Variants in PRUNE2 observed in about 807,000 individuals in gnomAD.
PRUNE2 encodes the protein prune homolog 2 with BCH domain.
Under a neutral mutation model 252.0 loss-of-function variants are expected in PRUNE2, and 164 were observed. The observed-to-expected ratio is 0.65, with a 90% confidence interval of 0.57 to 0.74. PRUNE2 has a LOEUF of 0.74. PRUNE2 is among the 30% of genes least tolerant of loss of function. PRUNE2 has a pLI of 0.00. For missense variants in PRUNE2, 3,495 were observed against 3,711.0 expected, an observed-to-expected ratio of 0.94 and a Z score of 1.51; for synonymous variants, 1,292 against 1,350.2, an observed-to-expected ratio of 0.96 and a Z score of 0.94.
At chr9:76,670,367 G>A (rs962535451) in intron 9 of PRUNE2, among the ~76,000 whole-genome samples, 32 of 152,196 alleles carry the variant, frequency 2.1e-4, no homozygotes, top group Non-Finnish European at 3.4e-4. Flanking sequence ...GGCACACCAC[G>A]AGATTATATC....
At chr9:76,655,358 A>C (rs1446946607) in intron 10 of PRUNE2, 65 bp downstream of exon 10, 1 of 1,137,916 alleles carries the variant, frequency 8.8e-7, no homozygotes, top group African/African-American at 1.5e-5. Flanking sequence ...TAATTCTTTC[A>C]CTGAATAATG....
Position 76,704,746 on chromosome 9 carries a change from T to G in PRUNE2, c.7513+15A>C. On this transcript the variant is annotated intron_variant, in intron 8 of 18. Transcript: ENST00000376718. The stretch of plus-strand genomic sequence containing the variant: ...CAGCAGTTTCTTGGAAGTGGAAGAA[T>G]GGAATGTTTCTTACCATTTGGTGGT... The G allele has an allele frequency of 6.7e-7, 1 of 1,485,210 alleles. No individual in the cohort carries two copies. The highest frequency in any genetic ancestry group is 1.4e-5 in the African/African-American group (1 of 71,284). 92.0% of individuals were successfully genotyped at this position (1,485,210 alleles called of 1,614,324 possible). A position where few individuals can be genotyped will look rare whatever the true frequency, so the allele number is the denominator to read the frequency against.
chr9:76,807,020 A>ACGTGTGTGTG, intron 6 of PRUNE2, among the ~76,000 whole-genome samples: 1 of 140,500 alleles, frequency 7.1e-6, no homozygotes, highest in African/African-American at 2.7e-5. Context: ...ACCTCATACA[A>ACGTGTGTGTG]TGTGTGTGTG....
intron 1 of PRUNE2, among the ~76,000 whole-genome samples, chr9:76,894,042 C>G (rs2062655646): frequency 6.6e-6 from 1 of 152,158 alleles, no homozygotes; most frequent in East Asian, 1.9e-4. Context: ...TTTTCTGTGA[C>G]CTATATACAT....
intron 9 of PRUNE2, among the ~76,000 whole-genome samples, chr9:76,678,604 C>T (rs1428760615): frequency 2.0e-5 from 3 of 152,010 alleles, no homozygotes; most frequent in African/African-American, 4.8e-5. Flanking sequence ...CCGAGATGGG[C>T]GGATGACGAG....
Position 76,846,949 on chromosome 9 carries a change from A to G in PRUNE2, c.345-271T>C, listed in dbSNP as rs146201127. ...TTGGAAAATAATAGTAACTAACACTATTGGGCTTCCACCACAGGCCGGATA... is the reference window on the plus strand; with the variant it reads ...TTGGAAAATAATAGTAACTAACACTGTTGGGCTTCCACCACAGGCCGGATA... On this transcript the variant is annotated intron_variant, in intron 3 of 18. Transcript: ENST00000376718. 1.9e-3 allele frequency among the ~76,000 whole-genome samples: 285 copies of G among 152,338 alleles called. 1 individual carries two copies. Among genetic ancestry groups the G allele is most frequent in the African/African-American group, 5.9e-3 (247 of 41,576 alleles).
intron 4 of PRUNE2, among the ~76,000 whole-genome samples, chr9:76,839,246 G>A (rs891729438): frequency 6.6e-6 from 1 of 152,028 alleles, no homozygotes; most frequent in Admixed American, 6.6e-5. Context: ...GTTTATCGAG[G>A]GCCTACTCTG....
intron 6 of PRUNE2, among the ~76,000 whole-genome samples, chr9:76,782,031 G>A (rs528038763): frequency 7.9e-5 from 12 of 152,184 alleles, no homozygotes; most frequent in African/African-American, 2.4e-4. Context: ...TGGCTAACAC[G>A]GTGAAACCCC....
At chr9:76,670,972 T>G (rs1011964236) in intron 9 of PRUNE2, among the ~76,000 whole-genome samples, 127 of 152,098 alleles carry the variant, frequency 8.3e-4, no homozygotes, top group Non-Finnish European at 1.5e-3. Flanking sequence ...ACAGAAAAAC[T>G]GGAAACTCTA....
chr9:76,653,510 C>T (rs533769967), intron 10 of PRUNE2, among the ~76,000 whole-genome samples: 6 of 152,020 alleles, frequency 3.9e-5, no homozygotes, highest in South Asian at 2.1e-4. Context: ...AGTACAGATG[C>T]GATTTTTTTT....
intron 4 of PRUNE2, among the ~76,000 whole-genome samples, chr9:76,837,599 T>G (rs2059100235): frequency 6.6e-6 from 1 of 151,366 alleles, no homozygotes; most frequent in Non-Finnish European, 1.5e-5. Context: ...TTCTATGGCA[T>G]TATCAGGTGT....
chr9:76,873,500 A>C (rs1465232892), intron 1 of PRUNE2, among the ~76,000 whole-genome samples: 6 of 152,172 alleles, frequency 3.9e-5, no homozygotes, highest in Non-Finnish European at 7.3e-5. Context: ...TCACATCTGT[A>C]ATCCCTTTTC....
intron 9 of PRUNE2, among the ~76,000 whole-genome samples, chr9:76,660,511 C>T (rs1050744375): frequency 4.6e-5 from 7 of 152,168 alleles, no homozygotes; most frequent in Admixed American, 2.6e-4. Context: ...GGGCCAGGCA[C>T]GGTGGCTCAC....
At chr9:76,738,796 G>C (rs2049307153) in intron 6 of PRUNE2, 1 of 152,070 alleles carries the variant, frequency 6.6e-6, no homozygotes, top group South Asian at 2.1e-4. Context: ...ACCAACTCTA[G>C]GTAACCTCTG....
intron 6 of PRUNE2, among the ~76,000 whole-genome samples, chr9:76,725,580 T>A (rs896163218): frequency 6.6e-6 from 1 of 152,194 alleles, no homozygotes; most frequent in African/African-American, 2.4e-5. Context: ...AAAATCTATC[T>A]ATCAAGGCAC....
chr9:76,657,533 T>A (rs1396616388), intron 9 of PRUNE2, among the ~76,000 whole-genome samples: 1 of 152,244 alleles, frequency 6.6e-6, no homozygotes, highest in African/African-American at 2.4e-5. Context: ...TATGAGGTTT[T>A]AGTTCTGAGT....
chr9:76,706,159 T>C lies in PRUNE2; in HGVS notation c.6115A>G (p.Thr2039Ala), dbSNP rs946723856. ...MKPGSEWDGS[T>A]PSEDSRGTFV... is the part of the protein sequence containing the mutation. ...GTACCTCGGGAGTCCTCACTTGGGG[T>C]AGAGCCATCCCATTCAGAGCCTGGC... Residue 2039 changes from threonine to alanine, a missense_variant, in exon 8 of 19, where the codon ACC becomes GCC. Thr to Ala is a moderately conservative substitution (Grantham distance 58). Coordinates refer to ENST00000376718, the MANE Select transcript of PRUNE2 (RefSeq NM_015225.3). The C allele has an allele frequency of 1.2e-6, 2 of 1,613,814 alleles. No homozygotes were observed. The highest frequency in any genetic ancestry group is 1.7e-6 in the Non-Finnish European group (2 of 1,179,882).
chr9:76,698,329 G>A (rs1023343569), intron 9 of PRUNE2, among the ~76,000 whole-genome samples: 1 of 152,182 alleles, frequency 6.6e-6, no homozygotes, highest in African/African-American at 2.4e-5. Context: ...TTACAGGCGT[G>A]AGCCACCGTG....
At position 76,854,112 on chromosome 9, in the gene PRUNE2, G is replaced by T; in HGVS notation, c.133C>A (p.Leu45Ile). Reference protein sequence around the residue: ...LISTFTYAYFLDKVSPPGVLC... With the variant: ...LISTFTYAYFIDKVSPPGVLC... ...ACCCTTTTTTCCCTCACCTTGTCTA[G>T]AAAGTAAGCATATGTGAAGGTAGAA... The change falls in exon 2 of 19, where the codon CTA becomes ATA. Residue 45 changes from leucine (L) to isoleucine (I), a missense_variant. Coordinates refer to ENST00000376718, the MANE Select transcript of PRUNE2 (RefSeq NM_015225.3). The T allele has an allele frequency of 6.4e-7, 1 of 1,566,572 alleles. No individual in the cohort carries two copies. Among genetic ancestry groups the T allele is most frequent in the Non-Finnish European group, 8.8e-7 (1 of 1,142,092 alleles).
Sources: allele counts gnomAD v4.1 joint callset (sites outside exome capture counted in the v4.1 genomes callset), GRCh38; gene constraint gnomAD v4.1.1; transcripts MANE v1.5; gene names NCBI Gene and HGNC (gene_info 2026-07-23, HGNC 2026-07-21).